PREP: variants seen among roughly 807,000 people sequenced by gnomAD.
PREP encodes dJ355L5.1 (prolyl endopeptidase).
In PREP, 29 loss-of-function variants were observed where a neutral mutation model predicts 87.6. That is an observed-to-expected ratio of 0.33 (90% CI 0.25 to 0.45). The LOEUF (loss-of-function observed/expected upper bound fraction) is 0.45, where lower values mean the gene tolerates loss of function less well. PREP is among the 20% of genes least tolerant of loss of function. PREP has a pLI of 1.00. For synonymous variants in PREP, 337 were observed against 328.6 expected, an observed-to-expected ratio of 1.03 and a Z score of -0.28; for missense variants, 695 against 886.5, an observed-to-expected ratio of 0.78 and a Z score of 2.74.
chr6:105,363,383 G>A (rs1772301606), intron 6 of PREP, among the ~76,000 whole-genome samples: 1 of 152,098 alleles, frequency 6.6e-6, no homozygotes, highest in South Asian at 2.1e-4. Flanking sequence ...TTAAAACAGA[G>A]CTTTGTGGGT....
intron 1 of PREP, among the ~76,000 whole-genome samples, chr6:105,401,247 T>C (rs931080277): frequency 6.6e-6 from 1 of 152,144 alleles, no homozygotes; most frequent in African/African-American, 2.4e-5. Context: ...AACTAACAAG[T>C]AACTCTAAAA....
At chr6:105,391,715 T>C (rs1302321357) in intron 2 of PREP, among the ~76,000 whole-genome samples, 1 of 152,162 alleles carries the variant, frequency 6.6e-6, no homozygotes. Context: ...AAGTAAGATC[T>C]GAACAGGGCA....
At chr6:105,324,329 A>G (rs1308769243) in intron 9 of PREP, among the ~76,000 whole-genome samples, 2 of 152,212 alleles carry the variant, frequency 1.3e-5, no homozygotes, top group Non-Finnish European at 2.9e-5. Context: ...TGATCAGTAG[A>G]TATTTCAAAA....
At chr6:105,331,631 G>A (rs1406659921) in intron 8 of PREP, among the ~76,000 whole-genome samples, 1 of 152,180 alleles carries the variant, frequency 6.6e-6, no homozygotes, top group South Asian at 2.1e-4. Flanking sequence ...CTAACTGCTG[G>A]CTGTAACTAC....
intron 2 of PREP, among the ~76,000 whole-genome samples, chr6:105,390,959 T>C (rs17065890): frequency 0.053 from 8,033 of 151,848 alleles, 279 homozygotes; most frequent in South Asian, 0.18. Flanking sequence ...ATCCCAACTA[T>C]ACAATTCTCC....
intron 2 of PREP, among the ~76,000 whole-genome samples, chr6:105,384,159 C>T (rs1772922859): frequency 6.6e-6 from 1 of 152,082 alleles, no homozygotes; most frequent in Non-Finnish European, 1.5e-5. Context: ...ATCAGAATGT[C>T]CCTCCCCCAG....
At chr6:105,335,353 C>T (rs961779217) in intron 7 of PREP, among the ~76,000 whole-genome samples, 2 of 152,172 alleles carry the variant, frequency 1.3e-5, no homozygotes, top group Non-Finnish European at 2.9e-5. Context: ...AGTTCATTTC[C>T]ATTCCTTGAA....
At chr6:105,386,683 A>C (rs557067780) in intron 2 of PREP, among the ~76,000 whole-genome samples, 1 of 152,362 alleles carries the variant, frequency 6.6e-6, no homozygotes, top group African/African-American at 2.4e-5. Flanking sequence ...TTAATCAAGT[A>C]ATCTAAGTAT....
At position 105,278,104 on chromosome 6, in the gene PREP, G is replaced by A. The variant is rs914471805; in HGVS notation, c.*40C>T. On this transcript the variant is annotated 3_prime_UTR_variant, in exon 15 of 15. Coordinates refer to ENST00000652536, the MANE Select transcript of PREP (RefSeq NM_002726.5). The surrounding 1 kb of genome is among the most constrained non-coding windows in gnomAD (Gnocchi z 4.2). The stretch of plus-strand genomic sequence containing the variant: ...TTGGTGTCAACGTGGGAAAGCCCTT[G>A]AGGTTTTCTGTCGCTGTCAGGAGGA... 8 of 1,578,612 alleles carry A rather than the reference G, an allele frequency of 5.1e-6. No individual in the cohort carries two copies. The highest frequency in any genetic ancestry group is 6.0e-6 in the Non-Finnish European group (7 of 1,159,058).
chr6:105,323,404 A>G lies in PREP; in HGVS notation c.1317+261T>C, dbSNP rs2114646352. Among the ~76,000 whole-genome samples, 6 of 152,294 alleles carry G rather than the reference A, an allele frequency of 3.9e-5. 2 individuals carry two copies. Among genetic ancestry groups the G allele is most frequent in the Admixed American group, 3.9e-4 (6 of 15,294 alleles). ...ACACAGACAGAAATGTTACAATAGGAGCCCCAAGAGAAAGAACTCCAGCTT... is the reference window on the plus strand; with the variant it reads ...ACACAGACAGAAATGTTACAATAGGGGCCCCAAGAGAAAGAACTCCAGCTT... On this transcript the variant is annotated intron_variant, in intron 10 of 14. Transcript: ENST00000652536.
chr6:105,372,769 CCTT>C lies in PREP; in HGVS notation c.595+597_595+599del, dbSNP rs545832478. 2.9e-4 allele frequency among the ~76,000 whole-genome samples: 44 copies of C among 152,314 alleles called. No homozygotes were observed. In the East Asian group the frequency reaches 7.9e-3, roughly 27 times the overall value. The stretch of plus-strand genomic sequence containing the variant: ...TAGCTTGGTTCGGTTTAAAAATTCA[CCTT>C]CTCCATAATCTCCTTAGGAGATATA... On this transcript the variant is annotated intron_variant, in intron 5 of 14. Transcript: ENST00000652536.
chr6:105,368,595 C>A (rs1206334377), intron 6 of PREP, among the ~76,000 whole-genome samples: 1 of 152,160 alleles, frequency 6.6e-6, no homozygotes, highest in Non-Finnish European at 1.5e-5. Context: ...CTCTGAGAGG[C>A]AGGATTCTGA....
At chr6:105,372,824 G>T (rs1333974799) in intron 5 of PREP, among the ~76,000 whole-genome samples, 1 of 152,196 alleles carries the variant, frequency 6.6e-6, no homozygotes, top group Non-Finnish European at 1.5e-5. Flanking sequence ...CTGATTGATT[G>T]TAATAATGAT....
At chr6:105,340,809 G>A (rs1337235604) in intron 7 of PREP, among the ~76,000 whole-genome samples, 2 of 152,172 alleles carry the variant, frequency 1.3e-5, no homozygotes, top group Non-Finnish European at 2.9e-5. Context: ...TTACATAATG[G>A]TAAAGGGATC....
intron 7 of PREP, among the ~76,000 whole-genome samples, chr6:105,337,834 C>T (rs55795338): frequency 0.038 from 5,710 of 152,222 alleles, 361 homozygotes; most frequent in African/African-American, 0.13. Context: ...GAAACAGACA[C>T]CGTTACAACT....
At chr6:105,341,286 T>C (rs58274067) in intron 7 of PREP, among the ~76,000 whole-genome samples, 3,200 of 152,300 alleles carry the variant, frequency 0.021, 107 homozygotes, top group African/African-American at 0.074. Flanking sequence ...CTTCAATGAC[T>C]ACTGGGTACA....
intron 7 of PREP, among the ~76,000 whole-genome samples, chr6:105,346,443 T>A (rs1472419314): frequency 6.6e-6 from 1 of 152,244 alleles, no homozygotes; most frequent in Non-Finnish European, 1.5e-5. Context: ...AAAAGCCAAT[T>A]TTCTTTAATG....
intron 7 of PREP, among the ~76,000 whole-genome samples, chr6:105,348,496 T>A (rs1413205752): frequency 3.9e-5 from 6 of 152,062 alleles, no homozygotes; most frequent in Non-Finnish European, 8.8e-5. Context: ...TCACGGATCC[T>A]CACACAAAGT....
At chr6:105,377,327 C>T (rs1772709971) in intron 3 of PREP, 59 bp downstream of exon 3, 1 of 1,515,718 alleles carries the variant, frequency 6.6e-7, no homozygotes, top group Non-Finnish European at 8.9e-7. Context: ...TTGTATTTTA[C>T]AATTTAAGAA....
Sources: allele counts gnomAD v4.1 joint callset (sites outside exome capture counted in the v4.1 genomes callset), GRCh38; gene constraint gnomAD v4.1.1; non-coding constraint Gnocchi (gnomAD v3.1); transcripts MANE v1.5; gene names NCBI Gene and HGNC (gene_info 2026-07-23, HGNC 2026-07-21).